Variants in SEC23IP observed in about 807,000 individuals in gnomAD.
The protein encoded by SEC23IP is SEC23-interacting protein.
In SEC23IP, 70 loss-of-function variants were observed where a neutral mutation model predicts 113.4. The ratio of observed to expected loss-of-function variants is 0.62; its 90% CI spans 0.51 to 0.75. The LOEUF (loss-of-function observed/expected upper bound fraction) is 0.75. Among genes scored for constraint, SEC23IP ranks in the 30% least tolerant of loss-of-function variants. The pLI is 0.00. For missense variants in SEC23IP, 1,160 were observed against 1,204.9 expected, an observed-to-expected ratio of 0.96 and a Z score of 0.55; for synonymous variants, 398 against 421.0, an observed-to-expected ratio of 0.95 and a Z score of 0.67.
chr10:119,916,234 C>G (rs1000684975), intron 8 of SEC23IP, among the ~76,000 whole-genome samples: 1 of 152,120 alleles, frequency 6.6e-6, no homozygotes, highest in Admixed American at 6.5e-5. Context: ...CCAGATGTCC[C>G]CTGGAGGGTA....
intron 18 of SEC23IP, among the ~76,000 whole-genome samples, chr10:119,938,037 C>T (rs577757323): frequency 5.9e-5 from 9 of 151,548 alleles, no homozygotes; most frequent in African/African-American, 1.7e-4. Context: ...GGTGCAGTGG[C>T]TCATACCTGT....
rs1389296686 is a variant in SEC23IP at position 119,898,027 on chromosome 10, AT to A, written c.164-399del. ...CTCAAAAAAAAATAAAAAAAAAAAA[AT>A]AAATAAAAATAGTAAGTATAGATTT... On this transcript the variant is annotated intron_variant, in intron 1 of 18. Transcript: ENST00000369075. Among the ~76,000 whole-genome samples the A allele has an allele frequency of 3.6e-3, 538 of 149,908 alleles. 1 individual carries two copies. Among genetic ancestry groups the A allele is most frequent in the African/African-American group, 0.013 (516 of 41,100 alleles).
intron 1 of SEC23IP, among the ~76,000 whole-genome samples, chr10:119,894,352 C>T (rs1006982117): frequency 6.6e-6 from 1 of 152,134 alleles, no homozygotes; most frequent in African/African-American, 2.4e-5. Context: ...CATGGAGAAG[C>T]GAAGACAGGC....
At chr10:119,893,240 G>C (rs183001520) in intron 1 of SEC23IP, among the ~76,000 whole-genome samples, 1 of 152,306 alleles carries the variant, frequency 6.6e-6, no homozygotes, top group African/African-American at 2.4e-5. Flanking sequence ...TACGCCAGGT[G>C]CTGGCAGGAA....
At chr10:119,932,542 CT>C (rs1855640967) in intron 16 of SEC23IP, among the ~76,000 whole-genome samples, 1 of 151,944 alleles carries the variant, frequency 6.6e-6, no homozygotes. Context: ...GAACTTTTTC[CT>C]CTGCAATTTA....
At chr10:119,896,420 C>G (rs7084324) in intron 1 of SEC23IP, among the ~76,000 whole-genome samples, 16,459 of 152,168 alleles carry the variant, frequency 0.11, 947 homozygotes, top group South Asian at 0.17. Flanking sequence ...TTGTGAAATA[C>G]AGAAAAGGGA....
In SEC23IP at chr10:119,919,424, T is replaced by A. The variant is rs377273075; in HGVS notation, c.1873-20T>A. On this transcript the variant is annotated intron_variant, in intron 10 of 18. Transcript: ENST00000369075. ...AGTTTTTCTGAGCTTGTAATGTTTTTCATACTTTTTTTTTTAAAGATGCCT... is the reference window on the plus strand; with the variant it reads ...AGTTTTTCTGAGCTTGTAATGTTTTACATACTTTTTTTTTTAAAGATGCCT... The A allele has an allele frequency of 2.0e-5, 31 of 1,581,224 alleles. No individual in the cohort carries two copies. Among genetic ancestry groups the A allele is most frequent in the Admixed American group, 5.9e-5 (3 of 50,796 alleles).
intron 1 of SEC23IP, among the ~76,000 whole-genome samples, chr10:119,895,577 C>T (rs908614759): frequency 6.6e-6 from 1 of 152,144 alleles, no homozygotes; most frequent in East Asian, 1.9e-4. Flanking sequence ...GCTATGAATG[C>T]TACGGGTATC....
intron 18 of SEC23IP, among the ~76,000 whole-genome samples, chr10:119,935,227 G>A (rs1485261461): frequency 2.0e-5 from 3 of 152,136 alleles, no homozygotes; most frequent in Admixed American, 6.5e-5. Flanking sequence ...TTGGGAGGCC[G>A]AGGCAGGTGG....
In SEC23IP at chr10:119,917,852, A is replaced by T; in HGVS notation, c.1561A>T (p.Thr521Ser). ...TGVDRNIKKI[T>S]LPSIGRFRHF... Reference sequence around the variant, plus strand: ...TTTAAACAGGAATATTAAGAAAATCACTTTGCCAAGTATTGGTCGATTTCG... The same window carrying T: ...TTTAAACAGGAATATTAAGAAAATCTCTTTGCCAAGTATTGGTCGATTTCG... The change falls in exon 9 of 19, where the codon ACT (threonine) becomes TCT (serine). Residue 521 changes from threonine to serine, a missense_variant. Transcript: ENST00000369075. 2 of 1,613,624 alleles carry T rather than the reference A, an allele frequency of 1.2e-6. No individual in the cohort carries two copies. Among genetic ancestry groups the T allele is most frequent in the Non-Finnish European group, 1.7e-6 (2 of 1,179,690 alleles).
intron 2 of SEC23IP, among the ~76,000 whole-genome samples, chr10:119,900,033 C>T (rs1386957381): frequency 6.6e-6 from 1 of 151,632 alleles, no homozygotes; most frequent in South Asian, 2.1e-4. Flanking sequence ...CCTCCCTCTT[C>T]CCTCCCTTCC....
rs114936275 is a variant in SEC23IP, at chr10:119,900,454, C to A, written c.696+1495C>A. ...CCTCACCAGTAGCTGGGACCACAGGCACATGCTGCCATACCTGGCTAATTT... is the reference window on the plus strand; with the variant it reads ...CCTCACCAGTAGCTGGGACCACAGGAACATGCTGCCATACCTGGCTAATTT... On this transcript the variant is annotated intron_variant, in intron 2 of 18. Coordinates refer to ENST00000369075, the MANE Select transcript of SEC23IP (RefSeq NM_007190.4). Among the ~76,000 whole-genome samples the A allele has an allele frequency of 8.2e-3, 1,249 of 151,974 alleles. 14 individuals are homozygous for A. Among genetic ancestry groups the A allele is most frequent in the African/African-American group, 0.028 (1,169 of 41,418 alleles).
chr10:119,915,833 G>C lies in SEC23IP; in HGVS notation c.1488G>C (p.Glu496Asp). The change falls in exon 8 of 19, where the codon GAG becomes GAC. Residue 496 changes from glutamate (E) to aspartate (D), a missense_variant. Physicochemically the swap from Glu to Asp is conservative, Grantham distance 45 (BLOSUM62 2). Transcript: ENST00000369075. ...ATGACGGGAAAGTAAGCAGAGTGGA[G>C]TTCCTTCCAGTTCATTGGCATAGTT... Reference protein sequence around the residue: ...SLDDGKVSRVEFLPVHWHSSL... With the variant: ...SLDDGKVSRVDFLPVHWHSSL... The C allele has an allele frequency of 3.1e-6, 5 of 1,601,610 alleles. No individual in the cohort carries two copies. The highest frequency in any genetic ancestry group is 4.3e-6 in the Non-Finnish European group (5 of 1,173,262).
At chr10:119,930,929 T>G (rs1319237407) in intron 15 of SEC23IP, among the ~76,000 whole-genome samples, 1 of 152,198 alleles carries the variant, frequency 6.6e-6, no homozygotes, top group Non-Finnish European at 1.5e-5. Context: ...TTTAAAAGTT[T>G]GGGTGGAAGG....
Position 119,918,440 on chromosome 10 carries a change from T to G in SEC23IP, c.1801T>G (p.Leu601Val), listed in dbSNP as rs1855127080. ...CCTGTCTAATCAAAAAGATTTGAAT[T>G]TATCAAAGTGCCCTGGACCTCTTGC... ...DILSNQKDLN[L>V]SKCPGPLAVA... Residue 601 changes from leucine to valine, a missense_variant, in exon 10 of 19, where the codon TTA becomes GTA. Coordinates refer to ENST00000369075, the MANE Select transcript of SEC23IP (RefSeq NM_007190.4). 1 of 1,613,534 alleles carries G rather than the reference T, an allele frequency of 6.2e-7. No homozygotes were observed. Among genetic ancestry groups the G allele is most frequent in the South Asian group, 1.1e-5 (1 of 91,080 alleles).
Position 119,929,849 on chromosome 10 carries a change from A to G in SEC23IP, c.2469+87A>G, listed in dbSNP as rs559415520. ...TTTTTTATAGAGATGGGGTCTTACT[A>G]TGTGGACCACACTGGTCTCAAACTC... is the stretch of plus-strand genomic sequence containing the variant. On this transcript the variant is annotated intron_variant, in intron 14 of 18. Coordinates refer to ENST00000369075, the MANE Select transcript of SEC23IP (RefSeq NM_007190.4). 39 of 839,788 alleles carry G rather than the reference A, an allele frequency of 4.6e-5. No individual in the cohort carries two copies. The South Asian group carries it at 4.8e-4, about 10-fold the overall frequency. 52.0% of individuals were successfully genotyped at this position (839,788 alleles called of 1,614,324 possible). A position where few individuals can be genotyped will look rare whatever the true frequency, so the allele number is the denominator to read the frequency against.
intron 12 of SEC23IP, among the ~76,000 whole-genome samples, chr10:119,924,860 C>T (rs1453976493): frequency 2.6e-5 from 4 of 152,140 alleles, no homozygotes; most frequent in African/African-American, 9.7e-5. Flanking sequence ...TCACTGCAGC[C>T]TCCACCTCCT....
chr10:119,895,869 G>T (rs1854267712), intron 1 of SEC23IP, among the ~76,000 whole-genome samples: 1 of 152,170 alleles, frequency 6.6e-6, no homozygotes. Context: ...TAGAGTGTGT[G>T]CAGTGGAGTG....
chr10:119,927,523 CTA>C (rs1407077879), intron 13 of SEC23IP, among the ~76,000 whole-genome samples: 1 of 152,164 alleles, frequency 6.6e-6, no homozygotes, highest in Non-Finnish European at 1.5e-5. Context: ...GGCTTCTTTT[CTA>C]TGTCATATTC....
Sources: allele counts gnomAD v4.1 joint callset (sites outside exome capture counted in the v4.1 genomes callset), GRCh38; gene constraint gnomAD v4.1.1; transcripts MANE v1.5; gene names NCBI Gene and HGNC (gene_info 2026-07-23, HGNC 2026-07-21).